NBEAL1: variants seen among roughly 807,000 people sequenced by gnomAD.
The protein encoded by NBEAL1 is neurobeachin-like protein 1.
NBEAL1 carries 273 observed loss-of-function variants against 351.3 expected under a neutral mutation model. The ratio of observed to expected loss-of-function variants is 0.78; its 90% CI spans 0.70 to 0.86. NBEAL1 has a LOEUF of 0.86. Ranked by LOEUF, NBEAL1 falls within the 40% of genes least tolerant of loss-of-function variation. The pLI is 0.00. For synonymous variants in NBEAL1, 1,050 were observed against 1,086.4 expected (o/e 0.97, Z 0.66); for missense variants, 2,961 against 3,201.3 (o/e 0.92, Z 1.81).
At chr2:203,212,506 C>T (rs1489738037) in intron 54 of NBEAL1, among the ~76,000 whole-genome samples, 1 of 151,088 alleles carries the variant, frequency 6.6e-6, no homozygotes, top group Non-Finnish European at 1.5e-5. Flanking sequence ...TACTCAGGAG[C>T]CTGAGGCAGG....
At chr2:203,166,408 G>A (rs2064133196) in intron 37 of NBEAL1, 111 bp downstream of exon 37, 2 of 1,029,346 alleles carry the variant, frequency 1.9e-6, no homozygotes, top group Admixed American at 3.3e-5. Flanking sequence ...TGTGAAGGGA[G>A]AAATGGAAAG....
chr2:203,158,953 G>C (rs1338404047), intron 36 of NBEAL1, among the ~76,000 whole-genome samples: 1 of 151,188 alleles, frequency 6.6e-6, no homozygotes, highest in African/African-American at 2.4e-5. Flanking sequence ...CTGAGTAGCT[G>C]GGACTATAGG....
intron 18 of NBEAL1, among the ~76,000 whole-genome samples, chr2:203,119,423 G>GTTTTTTTT (rs1559379701): frequency 4.7e-5 from 1 of 21,432 alleles, no homozygotes; most frequent in Non-Finnish European, 1.4e-4. Flanking sequence ...ACGGCCTGTT[G>GTTTTTTTT]CTTTTTTTTT....
chr2:203,122,031 C>A (rs1248711670), intron 18 of NBEAL1, among the ~76,000 whole-genome samples: 5 of 152,106 alleles, frequency 3.3e-5, no homozygotes, highest in Non-Finnish European at 2.9e-5. Context: ...GGTGATCCAC[C>A]TGCCTCGGCC....
At chr2:203,126,409 G>A (rs2062937427) in intron 21 of NBEAL1, 148 bp from the exon 22 acceptor site, 2 of 662,796 alleles carry the variant, frequency 3.0e-6, no homozygotes, top group Non-Finnish European at 4.6e-6. Flanking sequence ...TCTAATATCA[G>A]AAAAACCAAT....
At chr2:203,130,519 T>G (rs1440412488) in intron 25 of NBEAL1, 43 bp downstream of exon 25, 5 of 1,310,338 alleles carry the variant, frequency 3.8e-6, no homozygotes, top group African/African-American at 1.5e-5. Flanking sequence ...GAGGCGTTTG[T>G]GGGTATATGA....
Position 203,126,081 on chromosome 2 carries a change from T to C in NBEAL1, c.2973T>C (p.Ala991=). Residue 991 remains alanine (A), a synonymous_variant, in exon 21 of 56, where the codon GCT becomes GCC. Transcript: ENST00000683969. The stretch of plus-strand genomic sequence containing the variant: ...CCCATGGAGTTGCAACTCTTGGTGC[T>C]TTACTTCAGAAGGTGAGCCAGTCTA... ...IHSHGVATLG[A]LLQKVPSTLM... 6.5e-7 allele frequency: 1 copy of C among 1,543,606 alleles called. No homozygotes were observed. Among genetic ancestry groups the C allele is most frequent in the Non-Finnish European group, 8.7e-7 (1 of 1,144,246 alleles).
intron 45 of NBEAL1, 142 bp downstream of exon 45, chr2:203,188,731 G>A: frequency 1.8e-6 from 1 of 541,074 alleles, no homozygotes; most frequent in Non-Finnish European, 3.3e-6. Context: ...TTAAGAGACT[G>A]CTGCTTTTTT....
At chr2:203,113,673 G>C (rs188028101) in intron 17 of NBEAL1, among the ~76,000 whole-genome samples, 10 of 152,292 alleles carry the variant, frequency 6.6e-5, no homozygotes, top group Admixed American at 2.0e-4. Flanking sequence ...AGAAGTTCAA[G>C]ATCGAGGTGA....
intron 23 of NBEAL1, 99 bp downstream of exon 23, chr2:203,127,025 T>C (rs2062953536): frequency 1.2e-6 from 1 of 809,618 alleles, no homozygotes; most frequent in Non-Finnish European, 1.9e-6. Flanking sequence ...CCAGCGATTC[T>C]AGTATGTTTT....
chr2:203,027,260 A>C (rs1334505314), intron 2 of NBEAL1, among the ~76,000 whole-genome samples: 1 of 152,216 alleles, frequency 6.6e-6, no homozygotes, highest in Non-Finnish European at 1.5e-5. Flanking sequence ...TTTACATTAT[A>C]ATGTGCCACT....
intron 2 of NBEAL1, among the ~76,000 whole-genome samples, chr2:203,032,409 G>A (rs563396815): frequency 1.2e-3 from 180 of 152,222 alleles, no homozygotes; most frequent in Non-Finnish European, 2.2e-3. Flanking sequence ...TGTAATCCCA[G>A]CACTTTGGGA....
At chr2:203,026,825 T>C (rs1430069326) in intron 2 of NBEAL1, among the ~76,000 whole-genome samples, 5 of 152,216 alleles carry the variant, frequency 3.3e-5, no homozygotes, top group Admixed American at 3.3e-4. Flanking sequence ...AATATTCTCC[T>C]TTAGTAGAAT....
At chr2:203,147,025 C>T (rs1474366627) in intron 33 of NBEAL1, among the ~76,000 whole-genome samples, 3 of 152,036 alleles carry the variant, frequency 2.0e-5, no homozygotes, top group Non-Finnish European at 4.4e-5. Flanking sequence ...AAGGGAAATA[C>T]TTAAACCTTT....
Position 203,144,883 on chromosome 2 carries a change from G to A in NBEAL1, c.5132G>A (p.Trp1711Ter). 6.3e-7 allele frequency: 1 copy of A among 1,595,972 alleles called. No individual in the cohort carries two copies. The highest frequency in any genetic ancestry group is 8.5e-7 in the Non-Finnish European group (1 of 1,173,326). ...CAAGAATATTGTAATTCAAATGAAT[G>A]GCAAGTTTACATTGAAAAATATGTA... ...DFQEYCNSNEWQVYIEKYIVP... is the reference protein window; with the variant it reads ...DFQEYCNSNE Residue 1711 changes from tryptophan (W) to a stop codon, truncating the protein, a stop_gained, in exon 32 of 56, where the codon TGG (tryptophan) becomes TAG (stop). Transcript: ENST00000683969. LOFTEE classifies it high-confidence loss of function.
intron 52 of NBEAL1, 56 bp downstream of exon 52, chr2:203,208,809 C>T (rs1432443248): frequency 3.8e-6 from 5 of 1,320,994 alleles, no homozygotes; most frequent in Middle Eastern, 1.9e-4. Context: ...TTATTACCAA[C>T]ACTTATAACT....
chr2:203,048,690 A>G (rs369755714), intron 3 of NBEAL1, among the ~76,000 whole-genome samples: 12 of 152,312 alleles, frequency 7.9e-5, no homozygotes, highest in African/African-American at 2.2e-4. Context: ...TTTAGTACCC[A>G]TGTCTTTAGA....
At chr2:203,206,527 T>A (rs1224418705) in intron 51 of NBEAL1, among the ~76,000 whole-genome samples, 2 of 152,130 alleles carry the variant, frequency 1.3e-5, no homozygotes, top group African/African-American at 4.8e-5. Flanking sequence ...CTGATTCTCC[T>A]GCCTCAGCCT....
At chr2:203,066,803 A>G (rs2061596986) in intron 6 of NBEAL1, among the ~76,000 whole-genome samples, 1 of 144,122 alleles carries the variant, frequency 6.9e-6, no homozygotes, top group African/African-American at 2.6e-5. Flanking sequence ...GGTGCACCTC[A>G]CTTCCCAGAA....
Sources: allele counts gnomAD v4.1 joint callset (sites outside exome capture counted in the v4.1 genomes callset), GRCh38; gene constraint gnomAD v4.1.1; transcripts MANE v1.5; gene names NCBI Gene and HGNC (gene_info 2026-07-23, HGNC 2026-07-21).